The following CBL variants were observed in gnomAD, a reference collection of about 807,000 sequenced individuals.
CBL encodes E3 ubiquitin-protein ligase CBL.
A neutral mutation model predicts 96.9 loss-of-function variants in CBL; 45 were observed. The ratio of observed to expected loss-of-function variants is 0.46; its 90% CI spans 0.37 to 0.60. The LOEUF (loss-of-function observed/expected upper bound fraction) is 0.60. CBL is among the 20% of genes least tolerant of loss of function. The pLI is 0.00. For synonymous variants in CBL, 420 were observed against 426.8 expected (o/e 0.98, Z 0.20); for missense variants, 1,024 against 1,143.5 (o/e 0.90, Z 1.51).
At chr11:119,245,914 T>C (rs1446455029) in intron 2 of CBL, among the ~76,000 whole-genome samples, 1 of 147,690 alleles carries the variant, frequency 6.8e-6, no homozygotes, top group Non-Finnish European at 1.5e-5. Context: ...ATTTTGTTAA[T>C]AGCAGCCCAA....
intron 9 of CBL, among the ~76,000 whole-genome samples, chr11:119,279,589 C>G (rs1296470586): frequency 9.2e-5 from 14 of 151,910 alleles, no homozygotes; most frequent in Non-Finnish European, 1.5e-5. Context: ...GAATTCAAGG[C>G]GGGAGTGAGT....
chr11:119,227,319 GACTTATGAT>G (rs1357832859), intron 1 of CBL, among the ~76,000 whole-genome samples: 1 of 152,050 alleles, frequency 6.6e-6, no homozygotes, highest in East Asian at 1.9e-4. Flanking sequence ...ATATACTATT[GACTTATGAT>G]ACCTTCAACT....
In CBL at chr11:119,255,383, A is replaced by G. The variant is rs375269945; in HGVS notation, c.444-16352A>G. ...AGATCATGATGGCTTGGACTAAGGT[A>G]ACAACTCGACTAAGATGGAGATAAA... On this transcript the variant is annotated intron_variant, in intron 2 of 15. Coordinates refer to ENST00000264033, the MANE Select transcript of CBL (RefSeq NM_005188.4). Among the ~76,000 whole-genome samples the G allele has an allele frequency of 8.2e-4, 125 of 152,302 alleles. 1 individual carries two copies. The highest frequency in any genetic ancestry group is 2.9e-3 in the African/African-American group (119 of 41,558).
intron 9 of CBL, among the ~76,000 whole-genome samples, chr11:119,283,078 G>C (rs1015442856): frequency 1.3e-5 from 2 of 152,228 alleles, no homozygotes; most frequent in Non-Finnish European, 2.9e-5. Context: ...CTGGGCTACA[G>C]AGCAAGACCC....
Position 119,245,269 on chromosome 11 carries a change from C to T in CBL, c.443+12574C>T, listed in dbSNP as rs185631590. Reference sequence around the variant, plus strand: ...TCTCAGCCTTTTGGTTTGAGGACCCCTTTACATTCTAAAAATTTTTTGAGG... The same window carrying T: ...TCTCAGCCTTTTGGTTTGAGGACCCTTTTACATTCTAAAAATTTTTTGAGG... On this transcript the variant is annotated intron_variant, in intron 2 of 15. Coordinates refer to ENST00000264033, the MANE Select transcript of CBL (RefSeq NM_005188.4). Among the ~76,000 whole-genome samples, 53 of 151,682 alleles carry T rather than the reference C, an allele frequency of 3.5e-4. No individual in the cohort carries two copies. The East Asian group carries it at 8.1e-3, about 23-fold the overall frequency.
rs773598122 is a variant in CBL at position 119,278,237 on chromosome 11, G to A, written c.1167G>A (p.Lys389=). 1 of 1,612,920 alleles carries A rather than the reference G, an allele frequency of 6.2e-7. No individual in the cohort carries two copies. Among genetic ancestry groups the A allele is most frequent in the Non-Finnish European group, 8.5e-7 (1 of 1,179,010 alleles). Residue 389 remains lysine (K), a synonymous_variant, in exon 8 of 16, where the codon AAG becomes AAA. Coordinates refer to ENST00000264033, the MANE Select transcript of CBL (RefSeq NM_005188.4). The part of the protein sequence containing the change: ...QLCKICAEND[K]DVKIEPCGHL... ...GTAAAATATGTGCTGAAAATGATAA[G>A]GATGTAAAGATTGAGCCCTGTGGAC...
In CBL at chr11:119,285,115, A is replaced by G. The variant is rs1949971132; in HGVS notation, c.1563+15A>G. On this transcript the variant is annotated intron_variant, in intron 10 of 15. Coordinates refer to ENST00000264033, the MANE Select transcript of CBL (RefSeq NM_005188.4). ...CTGCTTCTAAGGTAAAGCATTTTCC[A>G]TTACTGCAGTTTTTGGATTCTTTGC... 3 of 1,613,922 alleles carry G rather than the reference A, an allele frequency of 1.9e-6. No homozygotes were observed. The highest frequency in any genetic ancestry group is 1.3e-5 in the African/African-American group (1 of 74,854).
At chr11:119,221,447 A>G (rs1949410369) in intron 1 of CBL, among the ~76,000 whole-genome samples, 2 of 151,950 alleles carry the variant, frequency 1.3e-5, no homozygotes, top group Admixed American at 1.3e-4. Context: ...TGTCTTTGAA[A>G]AACAGTCATG....
chr11:119,282,065 C>T (rs1394352616), intron 9 of CBL, among the ~76,000 whole-genome samples: 2 of 152,004 alleles, frequency 1.3e-5, no homozygotes, highest in African/African-American at 2.4e-5. Flanking sequence ...CGGCCGGGTG[C>T]GGTGGCTCAT....
At position 119,285,261 on chromosome 11, in the gene CBL, C is replaced by T. The variant is rs2135310394; in HGVS notation, c.1636C>T (p.Pro546Ser). 2 of 1,614,224 alleles carry T rather than the reference C, an allele frequency of 1.2e-6. No homozygotes were observed. Among genetic ancestry groups the T allele is most frequent in the Non-Finnish European group, 8.5e-7 (1 of 1,180,042 alleles). Residue 546 changes from proline (P) to serine (S), a missense_variant, in exon 11 of 16, where the codon CCG becomes TCG. Pro to Ser is a moderately conservative substitution (Grantham distance 74). Coordinates refer to ENST00000264033, the MANE Select transcript of CBL (RefSeq NM_005188.4). ...PPTLRDLPPP[P>S]PPDRPYSVGA... Reference sequence around the variant, plus strand: ...CACACTTCGAGATCTTCCACCACCACCGCCTCCAGACCGGCCATATTCTGT... The same window carrying T: ...CACACTTCGAGATCTTCCACCACCATCGCCTCCAGACCGGCCATATTCTGT...
chr11:119,219,312 A>C (rs897917952), intron 1 of CBL, among the ~76,000 whole-genome samples: 2 of 150,736 alleles, frequency 1.3e-5, no homozygotes, highest in Non-Finnish European at 2.9e-5. Context: ...CAGGAGGCAG[A>C]GGTGGCAGTG....
intron 2 of CBL, among the ~76,000 whole-genome samples, chr11:119,251,838 C>G (rs1205770631): frequency 6.6e-6 from 1 of 152,132 alleles, no homozygotes; most frequent in East Asian, 1.9e-4. Context: ...TCTAATATTG[C>G]CAACCAAGAC....
At chr11:119,210,439 G>T (rs1233847074) in intron 1 of CBL, among the ~76,000 whole-genome samples, 1 of 151,642 alleles carries the variant, frequency 6.6e-6, no homozygotes, top group Non-Finnish European at 1.5e-5. Context: ...TTTAGTAAGA[G>T]ACTTTATTTA....
At chr11:119,233,632 G>C (rs1949521159) in intron 2 of CBL, among the ~76,000 whole-genome samples, 1 of 152,216 alleles carries the variant, frequency 6.6e-6, no homozygotes, top group Non-Finnish European at 1.5e-5. Flanking sequence ...TAAGTTAACT[G>C]TATGTGTGGA....
Position 119,268,660 on chromosome 11 carries a change from G to A in CBL, c.444-3075G>A, listed in dbSNP as rs551686270. Among the ~76,000 whole-genome samples the A allele has an allele frequency of 5.3e-5, 8 of 152,286 alleles. No homozygotes were observed. In the South Asian group the frequency reaches 6.2e-4, roughly 12 times the overall value. On this transcript the variant is annotated intron_variant, in intron 2 of 15. Coordinates refer to ENST00000264033, the MANE Select transcript of CBL (RefSeq NM_005188.4). ...GCAAAGGAACAGGAGAGAGTACACGGAGAAAGAACTGAAAATAGCAGAGAG... is the reference window on the plus strand; with the variant it reads ...GCAAAGGAACAGGAGAGAGTACACGAAGAAAGAACTGAAAATAGCAGAGAG...
intron 12 of CBL, among the ~76,000 whole-genome samples, chr11:119,291,497 G>A (rs996478706): frequency 3.3e-5 from 5 of 152,182 alleles, no homozygotes; most frequent in African/African-American, 1.2e-4. Context: ...CCTGAACTCC[G>A]GGTTTGAGAT....
intron 2 of CBL, among the ~76,000 whole-genome samples, chr11:119,257,331 G>A (rs1949719315): frequency 6.6e-6 from 1 of 152,068 alleles, no homozygotes; most frequent in Admixed American, 6.5e-5. Flanking sequence ...ATCTCATTGT[G>A]GTTTTAATTT....
At chr11:119,232,343 C>T (rs1487604546) in intron 1 of CBL, 105 bp from the exon 2 acceptor site, 1 of 1,242,128 alleles carries the variant, frequency 8.1e-7, no homozygotes, top group Non-Finnish European at 1.2e-6. Flanking sequence ...ATGTATTTTT[C>T]ATATTTTGCA....
intron 2 of CBL, among the ~76,000 whole-genome samples, chr11:119,261,437 G>A (rs886449244): frequency 6.6e-6 from 1 of 152,164 alleles, no homozygotes; most frequent in African/African-American, 2.4e-5. Flanking sequence ...ACTAGATATA[G>A]ACTTTCTACA....
Sources: gnomAD v4.1 joint callset for allele counts (sites outside exome capture counted in the v4.1 genomes callset) on GRCh38, gnomAD v4.1.1 for gene constraint, MANE v1.5 for transcripts, NCBI Gene and HGNC (gene_info 2026-07-23, HGNC 2026-07-21) for gene names.